The following NINL variants were observed in gnomAD, a reference collection of about 807,000 sequenced individuals.
The protein encoded by NINL is ninein-like protein.
NINL carries 153 observed loss-of-function variants against 160.3 expected under a neutral mutation model. The observed-to-expected ratio is 0.95, with a 90% CI of 0.84 to 1.09. The LOEUF (loss-of-function observed/expected upper bound fraction) is 1.09. Ranked by LOEUF, NINL falls within the 50% of genes least tolerant of loss-of-function variation. NINL has a pLI of 0.00. For missense variants in NINL, 1,829 were observed against 1,764.0 expected, an observed-to-expected ratio of 1.04 and a Z score of -0.66; for synonymous variants, 800 against 734.8, an observed-to-expected ratio of 1.09 and a Z score of -1.43.
intron 21 of NINL, 192 bp from the exon 22 acceptor site, chr20:25,458,721 C>T (rs139000561): frequency 3.6e-4 from 222 of 621,358 alleles, no homozygotes; most frequent in African/African-American, 3.4e-3. Context: ...TGTCAGCCAG[C>T]GCTTCCACAC....
At chr20:25,565,453 G>T (rs2064989402) in intron 1 of NINL, among the ~76,000 whole-genome samples, 1 of 151,994 alleles carries the variant, frequency 6.6e-6, no homozygotes, top group African/African-American at 2.4e-5. Context: ...AGGCAGGCAG[G>T]CAAAGAAACT....
intron 1 of NINL, among the ~76,000 whole-genome samples, chr20:25,531,949 G>T (rs987120792): frequency 4.4e-4 from 67 of 152,282 alleles, no homozygotes; most frequent in Non-Finnish European, 7.2e-4. Flanking sequence ...ACAAAATGGG[G>T]ACTCAAAGTT....
intron 1 of NINL, among the ~76,000 whole-genome samples, chr20:25,582,989 G>T (rs1021109076): frequency 1.3e-5 from 2 of 152,110 alleles, no homozygotes; most frequent in African/African-American, 4.8e-5. Context: ...ACTCAAGATG[G>T]ATTAAAGACT....
intron 1 of NINL, among the ~76,000 whole-genome samples, chr20:25,544,826 C>A (rs1053321812): frequency 6.6e-6 from 1 of 152,224 alleles, no homozygotes; most frequent in Non-Finnish European, 1.5e-5. Context: ...GCACCCCAAA[C>A]AACTTTTACT....
chr20:25,503,292 A>T (rs1439046852), intron 7 of NINL, among the ~76,000 whole-genome samples: 2 of 136,252 alleles, frequency 1.5e-5, no homozygotes, highest in African/African-American at 5.6e-5. Flanking sequence ...CATGTTCCTC[A>T]CCTGAGCACT....
intron 11 of NINL, among the ~76,000 whole-genome samples, chr20:25,491,014 CTT>C (rs1251744736): frequency 6.6e-6 from 1 of 152,384 alleles, no homozygotes; most frequent in East Asian, 1.9e-4. Flanking sequence ...GTTCTGGTCT[CTT>C]TGCTGCCCCC....
intron 4 of NINL, among the ~76,000 whole-genome samples, chr20:25,511,404 G>C (rs541598774): frequency 6.6e-6 from 1 of 152,170 alleles, no homozygotes; most frequent in African/African-American, 2.4e-5. Flanking sequence ...CAGTGACTGC[G>C]TCAGCCAACT....
intron 5 of NINL, chr20:25,509,617 G>A (rs2064030763): frequency 8.8e-6 from 4 of 455,594 alleles, no homozygotes; most frequent in Admixed American, 2.4e-5. Flanking sequence ...TCACACCTGG[G>A]TAGTTCCTTA....
Position 25,476,448 on chromosome 20 carries a change from C to A in NINL, c.2843G>T (p.Arg948Ile). The A allele has an allele frequency of 6.2e-7, 1 of 1,608,100 alleles. No individual in the cohort carries two copies. ...CCGTGGCTGGGTTTGCGAGGCGTCT[C>A]TCTCTGTTCCCAGCAGAGGCAGCTC... ...ARELPLLGTE[R>I]DASQTQPRMW... The change falls in exon 17 of 24, where the codon AGA (arginine) becomes ATA (isoleucine). Residue 948 changes from arginine (R) to isoleucine (I), a missense_variant. Coordinates refer to ENST00000278886, the MANE Select transcript of NINL (RefSeq NM_025176.6).
At position 25,453,390 on chromosome 20, in the gene NINL, C is replaced by T. The variant is rs1241947836; in HGVS notation, c.*61G>A. 4 of 1,455,340 alleles carry T rather than the reference C, an allele frequency of 2.7e-6. No homozygotes were observed. The Admixed American group carries it at 5.8e-5, about 21-fold the overall frequency. The allele number at this position is 1,455,340 out of a possible 1,614,324, so 90.2% of individuals were successfully genotyped here. ...GGCTCATGACCCACGGAATCTAAGG[C>T]AGCACAGTGGCTTAATTTAAAAGAT... On this transcript the variant is annotated 3_prime_UTR_variant, in exon 24 of 24. Transcript: ENST00000278886.
At position 25,479,075 on chromosome 20, in the gene NINL, G is replaced by A. The variant is rs377678304; in HGVS notation, c.2049C>T (p.His683=). Residue 683 remains histidine, a synonymous_variant, in exon 16 of 24, where the codon CAC becomes CAT. Transcript: ENST00000278886. ...CCCAGATGACCTCCTGAGACTTCTC[G>A]TGGAGCTCCTCCAGGTCGGCCTTCT... The part of the protein sequence containing the change: ...EGQKADLEEL[H]EKSQEVIWGL... The A allele has an allele frequency of 3.0e-5, 49 of 1,613,026 alleles. No homozygotes were observed. The highest frequency in any genetic ancestry group is 4.5e-5 in the East Asian group (2 of 44,876).
At chr20:25,477,148 T>G in intron 16 of NINL, 59 bp from the exon 17 acceptor site, 4 of 1,460,318 alleles carry the variant, frequency 2.7e-6, no homozygotes, top group Non-Finnish European at 3.6e-6. Flanking sequence ...CTCTCTCGGG[T>G]TTGAAGTCTG....
At chr20:25,570,293 G>A (rs1264617613) in intron 1 of NINL, among the ~76,000 whole-genome samples, 1 of 152,218 alleles carries the variant, frequency 6.6e-6, no homozygotes, top group Non-Finnish European at 1.5e-5. Flanking sequence ...AATGCCGGAG[G>A]TGGGGCCTGG....
At chr20:25,531,040 C>T (rs68165049) in intron 1 of NINL, among the ~76,000 whole-genome samples, 12,417 of 152,108 alleles carry the variant, frequency 0.082, 730 homozygotes, top group African/African-American at 0.17. Flanking sequence ...CCACAAAAGA[C>T]GGCTGCACTC....
rs371055635 is a variant in NINL, at chr20:25,523,735, C to T, written c.180+2673G>A. ...TTGGCTCACCGCAACCTCCACCTCC[C>T]GGGTTCAAGTGATTCTCCTGCCTCA... is the stretch of plus-strand genomic sequence containing the variant. On this transcript the variant is annotated intron_variant, in intron 2 of 23. Transcript: ENST00000278886. Among the ~76,000 whole-genome samples, 51 of 152,140 alleles carry T rather than the reference C, an allele frequency of 3.4e-4. No homozygotes were observed. In the South Asian group the frequency reaches 7.5e-3, roughly 22 times the overall value.
At chr20:25,520,056 T>TTATA (rs11474626) in intron 2 of NINL, among the ~76,000 whole-genome samples, 132,048 of 141,462 alleles carry the variant, frequency 0.93, 61,717 homozygotes, top group East Asian at 1. Context: ...AATGCAGAAT[T>TTATA]TAAAATTCAG....
chr20:25,460,755 G>A (rs995475058), intron 21 of NINL, among the ~76,000 whole-genome samples: 24 of 152,122 alleles, frequency 1.6e-4, no homozygotes, highest in Admixed American at 5.9e-4. Flanking sequence ...TGCACAGGGC[G>A]CCAGGGCCAG....
chr20:25,575,767 A>C (rs4815432), intron 1 of NINL, among the ~76,000 whole-genome samples: 55,062 of 151,602 alleles, frequency 0.36, 10,944 homozygotes, highest in Admixed American at 0.47. Flanking sequence ...AAAACAACAA[A>C]AAAAAAAACT....
intron 5 of NINL, among the ~76,000 whole-genome samples, chr20:25,507,555 A>G (rs1375016992): frequency 6.6e-6 from 1 of 152,146 alleles, no homozygotes; most frequent in Admixed American, 6.5e-5. Context: ...CCTAGCCCAG[A>G]GCAGGGACAT....
Sources: gnomAD v4.1 joint callset for allele counts (sites outside exome capture counted in the v4.1 genomes callset) on GRCh38, gnomAD v4.1.1 for gene constraint, MANE v1.5 for transcripts, NCBI Gene and HGNC (gene_info 2026-07-23, HGNC 2026-07-21) for gene names.